XYLT1: variants seen among roughly 807,000 people sequenced by gnomAD.
The protein encoded by XYLT1 is beta-D-xylosyltransferase 1.
XYLT1 carries 36 observed loss-of-function variants against 91.3 expected under a neutral mutation model. The ratio of observed to expected loss-of-function variants is 0.39; its 90% CI spans 0.30 to 0.52. The LOEUF (loss-of-function observed/expected upper bound fraction) is 0.52, where lower values mean the gene tolerates loss of function less well. Ranked by LOEUF, XYLT1 falls within the 20% of genes least tolerant of loss-of-function variation. The probability of loss-of-function intolerance (pLI) is 0.68; values close to 1 mark genes in which losing one functional copy is unlikely to be tolerated. For missense variants in XYLT1, 1,242 were observed against 1,284.5 expected (o/e 0.97, Z 0.51); for synonymous variants, 588 against 532.0 (o/e 1.11, Z -1.45).
intron 10 of XYLT1, among the ~76,000 whole-genome samples, chr16:17,126,435 T>G (rs1454864638): frequency 4.6e-5 from 7 of 152,322 alleles, no homozygotes; most frequent in Admixed American, 1.3e-4. Context: ...TGGGCTCCCT[T>G]GGCTGCTCAC....
At chr16:17,363,713 A>G (rs754734396) in intron 1 of XYLT1, among the ~76,000 whole-genome samples, 17 of 151,962 alleles carry the variant, frequency 1.1e-4, no homozygotes, top group Non-Finnish European at 2.4e-4. Flanking sequence ...CTAATTTTTT[A>G]GAATATTTTT....
intron 1 of XYLT1, among the ~76,000 whole-genome samples, chr16:17,425,197 A>C (rs2036301347): frequency 6.6e-6 from 1 of 152,140 alleles, no homozygotes; most frequent in African/African-American, 2.4e-5. Context: ...GGCCCACCTC[A>C]ATAAAATTTT....
rs1268008055 is a variant in XYLT1, at chr16:17,106,985, G to C, written c.*1710C>G. Reference sequence around the variant, plus strand: ...AACCGAGAGAGAGAGAGACACCAGGGGGTGGGAAAAGATGGGAAAAGGGGC... The same window carrying C: ...AACCGAGAGAGAGAGAGACACCAGGCGGTGGGAAAAGATGGGAAAAGGGGC... On this transcript the variant is annotated 3_prime_UTR_variant, in exon 12 of 12. Transcript: ENST00000261381. 4 of 152,128 alleles carry C rather than the reference G, an allele frequency of 2.6e-5. No individual in the cohort carries two copies. Among genetic ancestry groups the C allele is most frequent in the Non-Finnish European group, 5.9e-5 (4 of 68,030 alleles). The allele number at this position is 152,128 out of a possible 1,614,324, so 9.4% of individuals were successfully genotyped here. A position where few individuals can be genotyped will look rare whatever the true frequency, so the allele number is the denominator to read the frequency against.
intron 2 of XYLT1, among the ~76,000 whole-genome samples, chr16:17,284,828 C>A (rs1018100971): frequency 6.6e-6 from 1 of 152,166 alleles, no homozygotes; most frequent in Non-Finnish European, 1.5e-5. Context: ...CAGAAATGGT[C>A]TAGGACCAGT....
chr16:17,350,881 GCA>G (rs762701068), intron 2 of XYLT1, among the ~76,000 whole-genome samples: 2 of 152,138 alleles, frequency 1.3e-5, no homozygotes, highest in African/African-American at 2.4e-5. Context: ...AAAGAAGTTT[GCA>G]CAAACAAGCC....
chr16:17,340,490 A>G (rs1029742549), intron 2 of XYLT1, among the ~76,000 whole-genome samples: 1 of 152,228 alleles, frequency 6.6e-6, no homozygotes, highest in East Asian at 1.9e-4. Context: ...CTTTCGAGGT[A>G]TCACAGAATG....
intron 2 of XYLT1, among the ~76,000 whole-genome samples, chr16:17,268,460 T>C (rs1263099854): frequency 1.3e-5 from 2 of 152,196 alleles, no homozygotes; most frequent in Admixed American, 1.3e-4. Context: ...TGTTTGAGAC[T>C]ATACAGCAAT....
chr16:17,268,097 G>A (rs1296891192), intron 2 of XYLT1, among the ~76,000 whole-genome samples: 4 of 151,980 alleles, frequency 2.6e-5, no homozygotes, highest in East Asian at 1.9e-4. Context: ...TTCCTTTCTC[G>A]CTTACTCTCT....
chr16:17,172,513 C>T lies in XYLT1; in HGVS notation c.1290-13604G>A, dbSNP rs202192678. Among the ~76,000 whole-genome samples, 15 of 146,498 alleles carry T rather than the reference C, an allele frequency of 1.0e-4. No homozygotes were observed. The East Asian group carries it at 2.9e-3, about 28-fold the overall frequency. On this transcript the variant is annotated intron_variant, in intron 5 of 11. Coordinates refer to ENST00000261381, the MANE Select transcript of XYLT1 (RefSeq NM_022166.4). The stretch of plus-strand genomic sequence containing the variant: ...TGAGACGGAGTCTCGCTCTTGTTGC[C>T]CAGGCTGGAGTGCAGTGGCGTGATC...
intron 2 of XYLT1, among the ~76,000 whole-genome samples, chr16:17,322,334 C>G (rs747398426): frequency 6.6e-6 from 1 of 152,170 alleles, no homozygotes; most frequent in South Asian, 2.1e-4. Context: ...TCTGAAGACC[C>G]GACAAGTAGA....
At chr16:17,401,263 C>G (rs1596526466) in intron 1 of XYLT1, among the ~76,000 whole-genome samples, 2 of 152,290 alleles carry the variant, frequency 1.3e-5, no homozygotes, top group East Asian at 3.9e-4. Flanking sequence ...TCCAAAACTT[C>G]CACCATTCTG....
intron 1 of XYLT1, among the ~76,000 whole-genome samples, chr16:17,392,071 T>G (rs948497961): frequency 2.6e-4 from 40 of 152,226 alleles, no homozygotes; most frequent in Non-Finnish European, 8.8e-5. Context: ...CCTTATAAAA[T>G]CATAAACCAA....
rs569685466 is a variant in XYLT1 at position 17,431,278 on chromosome 16, A to G, written c.363+39156T>C. ...CCTATGGCTTAGAGCGGCGCTTCTCAAACTTCACGTGCACATCTATCGCCT... is the reference window on the plus strand; with the variant it reads ...CCTATGGCTTAGAGCGGCGCTTCTCGAACTTCACGTGCACATCTATCGCCT... On this transcript the variant is annotated intron_variant, in intron 1 of 11. Coordinates refer to ENST00000261381, the MANE Select transcript of XYLT1 (RefSeq NM_022166.4). Among the ~76,000 whole-genome samples, 5 of 152,296 alleles carry G rather than the reference A, an allele frequency of 3.3e-5. No homozygotes were observed. The East Asian group carries it at 9.7e-4, about 29-fold the overall frequency.
intron 2 of XYLT1, among the ~76,000 whole-genome samples, chr16:17,340,292 G>A (rs985077414): frequency 2.0e-5 from 3 of 152,214 alleles, no homozygotes; most frequent in African/African-American, 7.2e-5. Flanking sequence ...TGTGGAAAGA[G>A]GTGATACTAT....
At chr16:17,119,903 A>C (rs536375646) in intron 10 of XYLT1, among the ~76,000 whole-genome samples, 3 of 152,270 alleles carry the variant, frequency 2.0e-5, no homozygotes, top group East Asian at 3.9e-4. Flanking sequence ...CCAAATCCCT[A>C]CTGCCTACCA....
At chr16:17,396,158 C>A (rs558220943) in intron 1 of XYLT1, among the ~76,000 whole-genome samples, 10 of 152,218 alleles carry the variant, frequency 6.6e-5, no homozygotes, top group African/African-American at 1.2e-4. Flanking sequence ...TTTGTATCTA[C>A]ACCCCTCCTG....
chr16:17,400,003 C>A (rs903322229), intron 1 of XYLT1, among the ~76,000 whole-genome samples: 1 of 152,218 alleles, frequency 6.6e-6, no homozygotes, highest in African/African-American at 2.4e-5. Flanking sequence ...ATCCAGCCAG[C>A]GGACTTCTTC....
intron 1 of XYLT1, among the ~76,000 whole-genome samples, chr16:17,396,292 G>A (rs1289360850): frequency 1.3e-5 from 2 of 152,182 alleles, no homozygotes; most frequent in African/African-American, 4.8e-5. Context: ...TACCTGCTGG[G>A]TGAGCCATAG....
At chr16:17,115,339 C>A (rs1216866195) in intron 11 of XYLT1, among the ~76,000 whole-genome samples, 1 of 42,642 alleles carries the variant, frequency 2.3e-5, no homozygotes, top group Non-Finnish European at 7.0e-5. Flanking sequence ...AAAAAAAAAG[C>A]CGGGCATGGT....
Sources: gnomAD v4.1 joint callset for allele counts (sites outside exome capture counted in the v4.1 genomes callset) on GRCh38, gnomAD v4.1.1 for gene constraint, MANE v1.5 for transcripts, NCBI Gene and HGNC (gene_info 2026-07-23, HGNC 2026-07-21) for gene names.